SLC9A3: variants seen among roughly 807,000 people sequenced by gnomAD.
SLC9A3 encodes sodium/hydrogen exchanger 3.
SLC9A3 carries 37 observed loss-of-function variants against 86.8 expected under a neutral mutation model. The ratio of observed to expected loss-of-function variants is 0.43; its 90% CI spans 0.33 to 0.56. SLC9A3 has a LOEUF of 0.56. Ranked by LOEUF, SLC9A3 falls within the 20% of genes least tolerant of loss-of-function variation. The probability of loss-of-function intolerance (pLI) is 0.06; values close to 1 mark genes in which losing one functional copy is unlikely to be tolerated. For missense variants in SLC9A3, 1,011 were observed against 1,171.9 expected, an observed-to-expected ratio of 0.86 and a Z score of 2.00; for synonymous variants, 581 against 528.3, an observed-to-expected ratio of 1.10 and a Z score of -1.37.
intron 9 of SLC9A3, 76 bp downstream of exon 9, chr5:481,489 T>A: frequency 8.0e-7 from 1 of 1,255,312 alleles, no homozygotes; most frequent in Non-Finnish European, 1.2e-6. Flanking sequence ...TGCATGTGGC[T>A]TCTGGTTCTT....
chr5:495,208 G>A (rs1739968071), intron 1 of SLC9A3, among the ~76,000 whole-genome samples: 1 of 152,110 alleles, frequency 6.6e-6, no homozygotes, highest in Non-Finnish European at 1.5e-5. Context: ...TTTTGTTGAG[G>A]GTTAGGGTCT....
At chr5:516,524 AG>A (rs1733736173) in intron 1 of SLC9A3, among the ~76,000 whole-genome samples, 1 of 152,238 alleles carries the variant, frequency 6.6e-6, no homozygotes, top group African/African-American at 2.4e-5. Flanking sequence ...GGGCCTGCCC[AG>A]GGTGTGTCTG....
intron 1 of SLC9A3, among the ~76,000 whole-genome samples, chr5:517,012 G>A (rs1733749493): frequency 6.6e-6 from 1 of 152,136 alleles, no homozygotes. Flanking sequence ...ACTCTCCCAT[G>A]TGTGCATTCA....
intron 6 of SLC9A3, 143 bp downstream of exon 6, chr5:483,119 G>A (rs902766569): frequency 5.7e-5 from 38 of 668,554 alleles, no homozygotes; most frequent in Middle Eastern, 4.1e-4. Flanking sequence ...CCCCAGCCCC[G>A]AGGCCGCCAC....
rs947159248 is a variant in SLC9A3 at position 518,575 on chromosome 5, T to C, written c.211+5537A>G. Among the ~76,000 whole-genome samples, 3 of 152,220 alleles carry C rather than the reference T, an allele frequency of 2.0e-5. No individual in the cohort carries two copies. The East Asian group carries it at 5.8e-4, about 29-fold the overall frequency. On this transcript the variant is annotated intron_variant, in intron 1 of 16. Transcript: ENST00000264938. ...CTTCATCGTGCACTGAGACTCCTGG[T>C]TGTGGGACTCAGCCCAGACGCTGGG...
intron 1 of SLC9A3, among the ~76,000 whole-genome samples, chr5:492,519 C>T (rs1579796307): frequency 6.6e-6 from 1 of 152,076 alleles, no homozygotes; most frequent in East Asian, 1.9e-4. Context: ...CATCTAAGAC[C>T]TCCCCCGACT....
Position 496,831 on chromosome 5 carries a change from C to A in SLC9A3, c.212-4760G>T, listed in dbSNP as rs1362300473. On this transcript the variant is annotated intron_variant, in intron 1 of 16. Transcript: ENST00000264938. This position sits in a 1 kb window ranked among gnomAD's most constrained non-coding sequence, Gnocchi z 4.7. Reference sequence around the variant, plus strand: ...TTTGGGAGGCCAAGGCAGGTGGATCCCTTGAGCCCAGGAGTTCGAGACCAG... The same window carrying A: ...TTTGGGAGGCCAAGGCAGGTGGATCACTTGAGCCCAGGAGTTCGAGACCAG... Among the ~76,000 whole-genome samples, 4 of 151,944 alleles carry A rather than the reference C, an allele frequency of 2.6e-5. No individual in the cohort carries two copies. The highest frequency in any genetic ancestry group is 6.6e-5 in the Admixed American group (1 of 15,248).
intron 9 of SLC9A3, 31 bp from the exon 10 acceptor site, chr5:479,996 A>C (rs779307295): frequency 6.2e-7 from 1 of 1,601,918 alleles, no homozygotes; most frequent in East Asian, 2.2e-5. Context: ...TGTGAGCCTC[A>C]GGTGACAGGC....
intron 1 of SLC9A3, among the ~76,000 whole-genome samples, chr5:518,428 CACCCTGAGACCTGGT>C (rs1733795378): frequency 6.6e-6 from 1 of 151,900 alleles, no homozygotes; most frequent in African/African-American, 2.4e-5. Context: ...TGAGACCTGG[CACCCTGAGACCTGGT>C]ACCCCAACAC....
chr5:492,923 G>A (rs1447830837), intron 1 of SLC9A3, among the ~76,000 whole-genome samples: 1 of 152,096 alleles, frequency 6.6e-6, no homozygotes, highest in Non-Finnish European at 1.5e-5. Flanking sequence ...AGAGTCTCTG[G>A]GTCCCGCCAC....
chr5:477,200 A>G (rs1738802037), intron 11 of SLC9A3, 132 bp downstream of exon 11: 1 of 619,434 alleles, frequency 1.6e-6, no homozygotes, highest in South Asian at 2.2e-5. Flanking sequence ...GGAGACACCC[A>G]CCCCCTCTTT....
In SLC9A3 at chr5:475,373, G is replaced by A. The variant is rs1000003778; in HGVS notation, c.2251+188C>T. On this transcript the variant is annotated intron_variant, in intron 15 of 16. Coordinates refer to ENST00000264938, the MANE Select transcript of SLC9A3 (RefSeq NM_004174.4). ...CCCACCTGCTCCCTGCCCGGCCCAC[G>A]TCTCCCCGGACAGCAGCCTCCGAGT... 8.1e-6 allele frequency: 5 copies of A among 616,770 alleles called. No homozygotes were observed. The Admixed American group carries it at 8.8e-5, about 11-fold the overall frequency. The allele number at this position is 616,770 out of a possible 1,614,324, so 38.2% of individuals were successfully genotyped here.
chr5:472,373 GGTTT>G lies in SLC9A3; in HGVS notation c.*1002_*1005del, dbSNP rs1170766802. 4.8e-5 allele frequency: 16 copies of G among 334,844 alleles called. No individual in the cohort carries two copies. Among genetic ancestry groups the G allele is most frequent in the African/African-American group, 3.0e-4 (14 of 45,960 alleles). 20.7% of individuals were successfully genotyped at this position (334,844 alleles called of 1,614,324 possible). A position where few individuals can be genotyped will look rare whatever the true frequency, so the allele number is the denominator to read the frequency against. ...TGCCCTGGGCCCCTCCATGCCCCCTGGTTTGTTAAGGGGGACAGAGCAGCTGCTG... is the reference window on the plus strand; with the variant it reads ...TGCCCTGGGCCCCTCCATGCCCCCTGGTTAAGGGGGACAGAGCAGCTGCTG... On this transcript the variant is annotated 3_prime_UTR_variant, in exon 17 of 17. Coordinates refer to ENST00000264938, the MANE Select transcript of SLC9A3 (RefSeq NM_004174.4).
At chr5:508,097 G>A (rs1740696286) in intron 1 of SLC9A3, among the ~76,000 whole-genome samples, 1 of 152,262 alleles carries the variant, frequency 6.6e-6, no homozygotes, top group Non-Finnish European at 1.5e-5. Context: ...AGTGGAGCCA[G>A]GGGAAGGGGT....
intron 1 of SLC9A3, among the ~76,000 whole-genome samples, chr5:515,658 T>C (rs1333716542): frequency 4.4e-5 from 6 of 137,920 alleles, no homozygotes; most frequent in African/African-American, 1.6e-4. Flanking sequence ...CACACACACA[T>C]CCCGCTGCTC....
At chr5:517,570 T>TC (rs1431314942) in intron 1 of SLC9A3, among the ~76,000 whole-genome samples, 1 of 142,466 alleles carries the variant, frequency 7.0e-6, no homozygotes, top group Non-Finnish European at 1.5e-5. Flanking sequence ...ATCCATCCAT[T>TC]CACCCATCCA....
chr5:491,421 CT>C lies in SLC9A3; in HGVS notation c.514+347del, dbSNP rs1223270698. Among the ~76,000 whole-genome samples the C allele has an allele frequency of 6.6e-6, 1 of 152,184 alleles. No individual in the cohort carries two copies. The highest frequency in any genetic ancestry group is 1.5e-5 in the Non-Finnish European group (1 of 68,026). The stretch of plus-strand genomic sequence containing the variant: ...GGGACGGTGCCCGATACACCAGGCT[CT>C]GCAGTCCTCCTCCTCTCCCTGGGAC... On this transcript the variant is annotated intron_variant, in intron 2 of 16. Transcript: ENST00000264938. The surrounding 1 kb of genome is among the most constrained non-coding windows in gnomAD (Gnocchi z 9.2).
intron 1 of SLC9A3, among the ~76,000 whole-genome samples, chr5:517,812 ACCATCCATCCAT>A (rs72445363): frequency 2.8e-5 from 4 of 144,764 alleles, no homozygotes; most frequent in African/African-American, 7.9e-5. Context: ...ATCCATCCAA[ACCATCCATCCAT>A]CCATCCATCC....
intron 1 of SLC9A3, among the ~76,000 whole-genome samples, chr5:495,966 C>T (rs563920432): frequency 5.3e-5 from 8 of 152,212 alleles, no homozygotes; most frequent in South Asian, 2.1e-4. Context: ...ACCCTCCCCA[C>T]GCTCCAGTGA....
Sources: allele counts gnomAD v4.1 joint callset (sites outside exome capture counted in the v4.1 genomes callset), GRCh38; gene constraint gnomAD v4.1.1; non-coding constraint Gnocchi (gnomAD v3.1); transcripts MANE v1.5; gene names NCBI Gene and HGNC (gene_info 2026-07-23, HGNC 2026-07-21).